GALNT5: variants seen among roughly 807,000 people sequenced by gnomAD.
The protein encoded by GALNT5 is polypeptide N-acetylgalactosaminyltransferase 5, also known as UDP-GalNAc:polypeptide N-acetylgalactosaminyltransferase 5.
A neutral mutation model predicts 85.4 loss-of-function variants in GALNT5; 72 were observed. That is an observed-to-expected ratio of 0.84 (90% confidence interval 0.70 to 1.03). The LOEUF (loss-of-function observed/expected upper bound fraction) is 1.03. GALNT5 is among the 50% of genes least tolerant of loss of function. GALNT5 has a pLI of 0.00. For missense variants in GALNT5, 1,137 were observed against 1,135.5 expected (o/e 1.00, Z -0.02); for synonymous variants, 404 against 397.0 (o/e 1.02, Z -0.21).
intron 6 of GALNT5, 37 bp downstream of exon 6, chr2:157,299,702 A>T (rs1405795625): frequency 9.2e-7 from 1 of 1,088,818 alleles, no homozygotes; most frequent in Non-Finnish European, 1.4e-6. Flanking sequence ...CTTTACGATA[A>T]TGAGTTAATC....
At chr2:157,290,262 A>G (rs886636672) in intron 3 of GALNT5, among the ~76,000 whole-genome samples, 1 of 152,106 alleles carries the variant, frequency 6.6e-6, no homozygotes, top group South Asian at 2.1e-4. Flanking sequence ...CCCTGTAGAC[A>G]GCAGGGTCTG....
chr2:157,264,129 T>G (rs574736935), intron 1 of GALNT5, among the ~76,000 whole-genome samples: 48 of 151,944 alleles, frequency 3.2e-4, no homozygotes, highest in African/African-American at 1.0e-3. Flanking sequence ...CAGTTCTTGC[T>G]CCTAATGATT....
At position 157,314,212 on chromosome 2, in the gene GALNT5, A is replaced by ACTTT. The variant is rs1683644712; in HGVS notation, c.*2864_*2865insCTTT. The ACTTT allele has an allele frequency of 8.9e-6, 1 of 112,976 alleles. No individual in the cohort carries two copies. The highest frequency in any genetic ancestry group is 4.1e-5 in the African/African-American group (1 of 24,572). 7.0% of individuals were successfully genotyped at this position (112,976 alleles called of 1,614,324 possible). A position where few individuals can be genotyped will look rare whatever the true frequency, so the allele number is the denominator to read the frequency against. On this transcript the variant is annotated 3_prime_UTR_variant, in exon 10 of 10. Coordinates refer to ENST00000259056, the MANE Select transcript of GALNT5 (RefSeq NM_014568.3). ...TAGCTTAGGTCATTGCCTTTACTTT[A>ACTTT]AAAAAAAAAAAAAAAAGTCTATGCA...
At chr2:157,297,737 A>G (rs1439424822) in intron 5 of GALNT5, among the ~76,000 whole-genome samples, 1 of 152,204 alleles carries the variant, frequency 6.6e-6, no homozygotes, top group Non-Finnish European at 1.5e-5. Flanking sequence ...CCCCCTTGAG[A>G]TCACTGTATA....
At chr2:157,293,715 T>C (rs1683150335) in intron 3 of GALNT5, among the ~76,000 whole-genome samples, 1 of 152,196 alleles carries the variant, frequency 6.6e-6, no homozygotes, top group African/African-American at 2.4e-5. Flanking sequence ...AAAAATGCCA[T>C]TGTTAACCAA....
rs576951395 is a variant in GALNT5, at chr2:157,296,427, C to T, written c.1911C>T (p.Ile637=). Residue 637 remains isoleucine (I), a synonymous_variant, in exon 5 of 10, where the codon ATC becomes ATT. Transcript: ENST00000259056. Reference sequence around the variant, plus strand: ...CAGTGGATAACTTTCAAAGAGGCATCTTTGTGTGGCCCATGAACTTTGGTT... The same window carrying T: ...CAGTGGATAACTTTCAAAGAGGCATTTTTGTGTGGCCCATGAACTTTGGTT... The part of the protein sequence containing the change: ...YMTVDNFQRG[I]FVWPMNFGWR... The T allele has an allele frequency of 1.2e-6, 2 of 1,610,002 alleles. No individual in the cohort carries two copies. The highest frequency in any genetic ancestry group is 4.5e-5 in the East Asian group (2 of 44,800).
At chr2:157,263,029 G>A (rs1219819716) in intron 1 of GALNT5, among the ~76,000 whole-genome samples, 7 of 151,178 alleles carry the variant, frequency 4.6e-5, no homozygotes, top group African/African-American at 7.4e-5. Flanking sequence ...GGGTTTCACC[G>A]TGTTAGCCAG....
At chr2:157,299,270 T>C (rs376055664) in intron 5 of GALNT5, 51 of 276,984 alleles carry the variant, frequency 1.8e-4, no homozygotes, top group African/African-American at 1.1e-3. Context: ...CCTGAATAAG[T>C]GTTAAAAATA....
At chr2:157,291,886 AT>A (rs1159288996) in intron 3 of GALNT5, among the ~76,000 whole-genome samples, 4 of 152,224 alleles carry the variant, frequency 2.6e-5, no homozygotes, top group Admixed American at 1.3e-4. Context: ...ATCAGAGAGG[AT>A]TTTGAATGTT....
At position 157,296,116 on chromosome 2, in the gene GALNT5, G is replaced by GC. The variant is rs1683209082; in HGVS notation, c.1878-277dup. 2.7e-5 allele frequency among the ~76,000 whole-genome samples: 4 copies of GC among 149,190 alleles called. No individual in the cohort carries two copies. In the South Asian group the frequency reaches 8.8e-4, roughly 33 times the overall value. On this transcript the variant is annotated intron_variant, in intron 4 of 9. Coordinates refer to ENST00000259056, the MANE Select transcript of GALNT5 (RefSeq NM_014568.3). Reference sequence around the variant, plus strand: ...AATTTAGTTCTTATTTCTGTGGGAAGCGTATATGTGCTTTTAAGTTGCTCT... The same window carrying GC: ...AATTTAGTTCTTATTTCTGTGGGAAGCCGTATATGTGCTTTTAAGTTGCTCT...
intron 8 of GALNT5, among the ~76,000 whole-genome samples, chr2:157,308,204 C>T (rs1683493634): frequency 6.6e-6 from 1 of 152,180 alleles, no homozygotes; most frequent in African/African-American, 2.4e-5. Context: ...CCAGGCTTGT[C>T]GGGATTCAGA....
At position 157,286,128 on chromosome 2, in the gene GALNT5, G is replaced by A. The variant is rs561786109; in HGVS notation, c.1735G>A (p.Ala579Thr). ...GGCCAGGCTGGCAGGAGCACAGAAT[G>A]CAACAGGTAAGAAGTTACTCATTTT... ...IRARLAGAQNATGDVLTFLDS... is the reference protein window; with the variant it reads ...IRARLAGAQNTTGDVLTFLDS... Residue 579 changes from alanine to threonine, a missense_variant, in exon 3 of 10, where the codon GCA (alanine) becomes ACA (threonine). Transcript: ENST00000259056. The A allele has an allele frequency of 1.2e-5, 20 of 1,612,816 alleles. No homozygotes were observed. The South Asian group carries it at 1.9e-4, about 15-fold the overall frequency.
intron 1 of GALNT5, among the ~76,000 whole-genome samples, chr2:157,262,819 C>CT (rs535380585): frequency 0.012 from 1,203 of 100,940 alleles, 201 homozygotes; most frequent in African/African-American, 0.027. Flanking sequence ...TTTCACAACT[C>CT]TTTTTTTTTT....
intron 2 of GALNT5, among the ~76,000 whole-genome samples, chr2:157,285,318 T>C (rs779709698): frequency 1.3e-5 from 2 of 152,150 alleles, no homozygotes; most frequent in Non-Finnish European, 2.9e-5. Flanking sequence ...AGTAAGTAGA[T>C]AGGAGTCCCT....
At chr2:157,307,682 C>G (rs555216780) in intron 8 of GALNT5, among the ~76,000 whole-genome samples, 42 of 152,166 alleles carry the variant, frequency 2.8e-4, no homozygotes, top group Admixed American at 5.2e-4. Context: ...TGACTTTGAT[C>G]TAACCTGATA....
At position 157,259,517 on chromosome 2, in the gene GALNT5, G is replaced by A; in HGVS notation, c.1435G>A (p.Glu479Lys). ...SDLIPVDRAI[E>K]DTRPAGCAEQ... ...TTTGATCCCAGTGGATAGAGCCATTGAAGACACCAGACCTGCTGGGTAAGA... is the reference window on the plus strand; with the variant it reads ...TTTGATCCCAGTGGATAGAGCCATTAAAGACACCAGACCTGCTGGGTAAGA... The change falls in exon 1 of 10, where the codon GAA (glutamate) becomes AAA (lysine). Residue 479 changes from glutamate (E) to lysine (K), a missense_variant. Coordinates refer to ENST00000259056, the MANE Select transcript of GALNT5 (RefSeq NM_014568.3). 1.5e-6 allele frequency: 2 copies of A among 1,378,322 alleles called. No homozygotes were observed. Among genetic ancestry groups the A allele is most frequent in the Non-Finnish European group, 1.9e-6 (2 of 1,056,912 alleles). 85.4% of individuals were successfully genotyped at this position (1,378,322 alleles called of 1,614,324 possible). A position where few individuals can be genotyped will look rare whatever the true frequency, so the allele number is the denominator to read the frequency against.
chr2:157,313,706 G>A lies in GALNT5; in HGVS notation c.*2358G>A, dbSNP rs1421965243. ...TTGCATTTTGAATACACTTATCTTT[G>A]GGTATATCAACTAAAGGAAGTTGGA... On this transcript the variant is annotated 3_prime_UTR_variant, in exon 10 of 10. Coordinates refer to ENST00000259056, the MANE Select transcript of GALNT5 (RefSeq NM_014568.3). The A allele has an allele frequency of 6.6e-6, 1 of 151,956 alleles. No individual in the cohort carries two copies. Among genetic ancestry groups the A allele is most frequent in the Non-Finnish European group, 1.5e-5 (1 of 67,980 alleles). The allele number at this position is 151,956 out of a possible 1,614,324, so 9.4% of individuals were successfully genotyped here. A position where few individuals can be genotyped will look rare whatever the true frequency, so the allele number is the denominator to read the frequency against.
At position 157,290,062 on chromosome 2, in the gene GALNT5, A is replaced by C. The variant is rs368953937; in HGVS notation, c.1741+3928A>C. ...CACTCCAGCCTGGGCAACAAGAGCA[A>C]AATTCTGTCTCAAAAAAAAAAAATG... On this transcript the variant is annotated intron_variant, in intron 3 of 9. Coordinates refer to ENST00000259056, the MANE Select transcript of GALNT5 (RefSeq NM_014568.3). Among the ~76,000 whole-genome samples, 36 of 144,824 alleles carry C rather than the reference A, an allele frequency of 2.5e-4. 1 individual carries two copies. In the South Asian group the frequency reaches 7.6e-3, roughly 31 times the overall value.
rs1172420854 is a variant in GALNT5 at position 157,259,386 on chromosome 2, C to G, written c.1304C>G (p.Pro435Arg). The G allele has an allele frequency of 6.6e-7, 1 of 1,508,434 alleles. No individual in the cohort carries two copies. Among genetic ancestry groups the G allele is most frequent in the African/African-American group, 1.4e-5 (1 of 71,650 alleles). The allele number at this position is 1,508,434 out of a possible 1,614,324, so 93.4% of individuals were successfully genotyped here. The change falls in exon 1 of 10, where the codon CCC (proline) becomes CGC (arginine). Residue 435 changes from proline (P) to arginine (R), a missense_variant. Transcript: ENST00000259056. ...GATGTGACACTTTCTCCAAGGGACC[C>G]CAAAGCTCCAGGGCAGTTTGGGCGT... ...RIDVTLSPRDPKAPGQFGRPV... is the reference protein window; with the variant it reads ...RIDVTLSPRDRKAPGQFGRPV...
Sources: allele counts gnomAD v4.1 joint callset (sites outside exome capture counted in the v4.1 genomes callset), GRCh38; gene constraint gnomAD v4.1.1; transcripts MANE v1.5; gene names NCBI Gene and HGNC (gene_info 2026-07-23, HGNC 2026-07-21).